COLEC12: variants seen among roughly 807,000 people sequenced by gnomAD.
COLEC12 encodes the protein collectin-12.
COLEC12 carries 33 observed loss-of-function variants against 71.1 expected under a neutral mutation model. The observed-to-expected ratio is 0.46, with a 90% CI of 0.35 to 0.62. The LOEUF (loss-of-function observed/expected upper bound fraction) is 0.62, where lower values mean the gene tolerates loss of function less well. COLEC12 is among the 20% of genes least tolerant of loss of function. The pLI, the probability that COLEC12 is intolerant of heterozygous loss-of-function variation, is 0.00. For missense variants in COLEC12, 765 were observed against 916.1 expected (o/e 0.84, Z 2.13); for synonymous variants, 350 against 353.0 (o/e 0.99, Z 0.10).
intron 2 of COLEC12, among the ~76,000 whole-genome samples, chr18:472,678 C>CAAAAAAAAAAAAAA (rs765169609): frequency 5.3e-5 from 5 of 93,650 alleles, no homozygotes; most frequent in Non-Finnish European, 6.2e-5. Context: ...GGCCCTGTGA[C>CAAAAAAAAAAAAAA]AAAAAAAAAA....
rs1389762993 is a variant in COLEC12 at position 362,983 on chromosome 18, T to TC, written c.59-5462dup. Among the ~76,000 whole-genome samples, 1 of 151,458 alleles carries TC rather than the reference T, an allele frequency of 6.6e-6. No homozygotes were observed. Among genetic ancestry groups the TC allele is most frequent in the African/African-American group, 2.4e-5 (1 of 41,160 alleles). ...TGGTCCCCAGTGCCCAAACTCAAAG[T>TC]CCCCTGGGCTGCCCTGGTTCCAACA... On this transcript the variant is annotated intron_variant, in intron 2 of 9. Transcript: ENST00000400256. This position sits in a 1 kb window ranked among gnomAD's most constrained non-coding sequence, Gnocchi z 4.6.
chr18:342,040 C>CA (rs1278760413), intron 5 of COLEC12, among the ~76,000 whole-genome samples: 1 of 152,064 alleles, frequency 6.6e-6, no homozygotes, highest in African/African-American at 2.4e-5. Flanking sequence ...TGATTTTTAT[C>CA]AAAAAATAAG....
At chr18:376,826 C>T (rs780021713) in intron 2 of COLEC12, among the ~76,000 whole-genome samples, 1 of 152,174 alleles carries the variant, frequency 6.6e-6, no homozygotes, top group Non-Finnish European at 1.5e-5. Flanking sequence ...GTGTCAGGCA[C>T]GGTAACAGGC....
chr18:399,778 T>A lies in COLEC12; in HGVS notation c.59-42256A>T, dbSNP rs1014504903. Among the ~76,000 whole-genome samples the A allele has an allele frequency of 3.9e-5, 6 of 152,196 alleles. No individual in the cohort carries two copies. Among genetic ancestry groups the A allele is most frequent in the African/African-American group, 1.4e-4 (6 of 41,452 alleles). ...GCCCTCGTTCCCCCATCTCCATGAC[T>A]ACCACTGAAGGAAGGAGGCTGAGGG... On this transcript the variant is annotated intron_variant, in intron 2 of 9. Coordinates refer to ENST00000400256, the MANE Select transcript of COLEC12 (RefSeq NM_130386.3). This position sits in a 1 kb window ranked among gnomAD's most constrained non-coding sequence, Gnocchi z 4.0.
At chr18:357,821 T>C (rs956257075) in intron 2 of COLEC12, among the ~76,000 whole-genome samples, 1 of 152,196 alleles carries the variant, frequency 6.6e-6, no homozygotes, top group African/African-American at 2.4e-5. Context: ...CATTAGGCAA[T>C]TTCATCACTG....
rs764388157 is a variant in COLEC12, at chr18:346,672, A to G, written c.950T>C (p.Leu317Ser). The G allele has an allele frequency of 2.2e-5, 36 of 1,614,156 alleles. No homozygotes were observed. In the East Asian group the frequency reaches 6.7e-4, roughly 30 times the overall value. Reference sequence around the variant, plus strand: ...TGTTCTATTCTCTGCATCTTTGTGTAAGTCCTGCAGGTCTTTCAGGTTCTG... The same window carrying G: ...TGTTCTATTCTCTGCATCTTTGTGTGAGTCCTGCAGGTCTTTCAGGTTCTG... The part of the protein sequence containing the change: ...NEQNLKDLQD[L>S]HKDAENRTAI... Residue 317 changes from leucine (L) to serine (S), a missense_variant, in exon 5 of 10, where the codon TTA becomes TCA. Coordinates refer to ENST00000400256, the MANE Select transcript of COLEC12 (RefSeq NM_130386.3). The surrounding 1 kb of genome is among the most constrained non-coding windows in gnomAD (Gnocchi z 4.0).
At chr18:434,743 T>C (rs533112129) in intron 2 of COLEC12, among the ~76,000 whole-genome samples, 15 of 152,310 alleles carry the variant, frequency 9.8e-5, no homozygotes, top group African/African-American at 3.4e-4. Context: ...TGAAGCTCAC[T>C]CTCCCCAGCT....
chr18:480,626 G>A lies in COLEC12; in HGVS notation c.58+81C>T, dbSNP rs895770357. ...CCATGTGCATGAAGGGCCTGCCAGT[G>A]GCCTGCCAATGGTCTCTGAGGGTTC... On this transcript the variant is annotated intron_variant, in intron 2 of 9. Transcript: ENST00000400256. The surrounding 1 kb of genome is among the most constrained non-coding windows in gnomAD (Gnocchi z 4.1). The A allele has an allele frequency of 2.1e-5, 27 of 1,258,516 alleles. No homozygotes were observed. Among genetic ancestry groups the A allele is most frequent in the Non-Finnish European group, 2.8e-5 (24 of 855,994 alleles). The allele number at this position is 1,258,516 out of a possible 1,614,324, so 78.0% of individuals were successfully genotyped here. A position where few individuals can be genotyped will look rare whatever the true frequency, so the allele number is the denominator to read the frequency against.
intron 2 of COLEC12, among the ~76,000 whole-genome samples, chr18:412,390 G>A (rs1567900126): frequency 6.6e-6 from 1 of 151,618 alleles, no homozygotes; most frequent in Admixed American, 6.6e-5. Context: ...AAATGAAAGG[G>A]GAAAGGAAGA....
chr18:342,460 A>G (rs1041828730), intron 5 of COLEC12, among the ~76,000 whole-genome samples: 1 of 152,242 alleles, frequency 6.6e-6, no homozygotes, highest in African/African-American at 2.4e-5. Context: ...GGGTTCATCA[A>G]GTGCGAGTCA....
intron 2 of COLEC12, among the ~76,000 whole-genome samples, chr18:429,046 T>A (rs149437773): frequency 6.6e-6 from 1 of 152,332 alleles, no homozygotes; most frequent in Admixed American, 6.5e-5. Flanking sequence ...AACACACAAG[T>A]GAGACTTTTA....
intron 2 of COLEC12, among the ~76,000 whole-genome samples, chr18:384,331 A>T (rs1915297785): frequency 6.6e-6 from 1 of 152,150 alleles, no homozygotes; most frequent in African/African-American, 2.4e-5. Flanking sequence ...ATTCCGGGCC[A>T]CTAACTTGAG....
rs57522856 is a variant in COLEC12 at position 419,148 on chromosome 18, C to CTTCTATTCTATTCTATTCTA, written c.58+61539_58+61558dup. Reference sequence around the variant, plus strand: ...TATCCAATCAATGTAAGGCATCATACTTCTATTCTATTCTATTCTATTCTA... The same window carrying CTTCTATTCTATTCTATTCTA: ...TATCCAATCAATGTAAGGCATCATACTTCTATTCTATTCTATTCTATTCTATTCTATTCTATTCTATTCTA... On this transcript the variant is annotated intron_variant, in intron 2 of 9. Transcript: ENST00000400256. 1.0e-3 allele frequency among the ~76,000 whole-genome samples: 149 copies of CTTCTATTCTATTCTATTCTA among 145,490 alleles called. 1 individual carries two copies. Among genetic ancestry groups the CTTCTATTCTATTCTATTCTA allele is most frequent in the African/African-American group, 2.3e-3 (88 of 38,996 alleles).
intron 1 of COLEC12, among the ~76,000 whole-genome samples, chr18:488,399 T>C (rs1357400274): frequency 6.6e-6 from 1 of 151,480 alleles, no homozygotes; most frequent in Admixed American, 6.6e-5. Flanking sequence ...TGACAGAGCG[T>C]GACTCCATCT....
intron 2 of COLEC12, among the ~76,000 whole-genome samples, chr18:409,310 G>T (rs956583125): frequency 6.6e-6 from 1 of 152,242 alleles, no homozygotes; most frequent in African/African-American, 2.4e-5. Context: ...GGAGGCCGAG[G>T]CGGGCAGATC....
At chr18:475,631 A>G (rs982011709) in intron 2 of COLEC12, among the ~76,000 whole-genome samples, 1 of 152,186 alleles carries the variant, frequency 6.6e-6, no homozygotes, top group African/African-American at 2.4e-5. Context: ...ATCTCTTGGC[A>G]TTAAAAGCAG....
At chr18:468,198 G>C (rs2155545) in intron 2 of COLEC12, among the ~76,000 whole-genome samples, 119,193 of 150,440 alleles carry the variant, frequency 0.79, 47,430 homozygotes, top group East Asian at 0.98. Context: ...GTAGGCGGAG[G>C]TTGCAGTGAG....
chr18:371,371 C>T (rs1163251513), intron 2 of COLEC12, among the ~76,000 whole-genome samples: 2 of 152,156 alleles, frequency 1.3e-5, no homozygotes, highest in Non-Finnish European at 2.9e-5. Flanking sequence ...ATCTTCTTGA[C>T]TTTGAGCCCG....
chr18:494,584 G>A (rs551168471), intron 1 of COLEC12, among the ~76,000 whole-genome samples: 69 of 152,198 alleles, frequency 4.5e-4, no homozygotes, highest in Non-Finnish European at 8.2e-4. Context: ...ACACAGAAAT[G>A]ATTGGATTCA....
Sources: gnomAD v4.1 joint callset for allele counts (sites outside exome capture counted in the v4.1 genomes callset) on GRCh38, gnomAD v4.1.1 for gene constraint, Gnocchi (gnomAD v3.1) non-coding constraint, MANE v1.5 for transcripts, NCBI Gene and HGNC (gene_info 2026-07-23, HGNC 2026-07-21) for gene names.